The following BABAM2 variants were observed in gnomAD, a reference collection of about 807,000 sequenced individuals.
BABAM2 encodes the protein BRISC and BRCA1 A complex member 2.
BABAM2 carries 31 observed loss-of-function variants against 54.7 expected under a neutral mutation model. The observed-to-expected ratio is 0.57, with a 90% CI of 0.43 to 0.77. BABAM2 has a LOEUF of 0.77. Ranked by LOEUF, BABAM2 falls within the 30% of genes least tolerant of loss-of-function variation. The pLI, the probability that BABAM2 is intolerant of heterozygous loss-of-function variation, is 0.00. For missense variants in BABAM2, 364 were observed against 455.8 expected (o/e 0.80, Z 1.83); for synonymous variants, 167 against 162.9 (o/e 1.03, Z -0.19).
rs976783654 is a variant in BABAM2 at position 28,325,660 on chromosome 2, C to G, written c.1089-12790C>G. The stretch of plus-strand genomic sequence containing the variant: ...GTGTCTGCGGTGTGATTTCAGCTGT[C>G]AGGGGGATAAGGGTGAAGAGAGGAG... On this transcript the variant is annotated intron_variant, in intron 11 of 11. Transcript: ENST00000379624. This position sits in a 1 kb window ranked among gnomAD's most constrained non-coding sequence, Gnocchi z 4.3. Among the ~76,000 whole-genome samples the G allele has an allele frequency of 2.6e-5, 4 of 152,150 alleles. No individual in the cohort carries two copies. The highest frequency in any genetic ancestry group is 6.5e-5 in the Admixed American group (1 of 15,270).
intron 10 of BABAM2, among the ~76,000 whole-genome samples, chr2:28,245,448 A>G (rs1038689593): frequency 7.2e-5 from 11 of 152,188 alleles, no homozygotes; most frequent in African/African-American, 2.7e-4. Flanking sequence ...TCATTTCTTC[A>G]TGTTCTTCTG....
intron 6 of BABAM2, among the ~76,000 whole-genome samples, chr2:28,100,679 G>C (rs1667009057): frequency 6.6e-6 from 1 of 152,106 alleles, no homozygotes; most frequent in Non-Finnish European, 1.5e-5. Context: ...CTGGAAAGGA[G>C]ACCATGACTA....
intron 7 of BABAM2, among the ~76,000 whole-genome samples, chr2:28,207,022 G>A (rs531804508): frequency 6.6e-6 from 1 of 152,268 alleles, no homozygotes; most frequent in South Asian, 2.1e-4. Flanking sequence ...CAGTCTCCCT[G>A]TGAGGTAGGT....
At chr2:27,934,527 G>C (rs1668353216) in intron 3 of BABAM2, among the ~76,000 whole-genome samples, 1 of 152,316 alleles carries the variant, frequency 6.6e-6, no homozygotes, top group East Asian at 1.9e-4. Flanking sequence ...TTCAAGTGAA[G>C]AGTCCCACAC....
intron 7 of BABAM2, among the ~76,000 whole-genome samples, chr2:28,222,939 G>C (rs889158506): frequency 6.6e-6 from 1 of 152,246 alleles, no homozygotes; most frequent in Non-Finnish European, 1.5e-5. Context: ...CCCGCACTCT[G>C]TCTGGGGAAG....
intron 6 of BABAM2, among the ~76,000 whole-genome samples, chr2:28,125,007 C>G (rs982892150): frequency 5.9e-5 from 9 of 152,234 alleles, no homozygotes; most frequent in African/African-American, 1.7e-4. Flanking sequence ...GATTAAGAAA[C>G]TCAATGAACA....
chr2:28,276,591 G>T (rs564046199), intron 10 of BABAM2, among the ~76,000 whole-genome samples: 1 of 152,230 alleles, frequency 6.6e-6, no homozygotes, highest in African/African-American at 2.4e-5. Context: ...CACCTTCTTC[G>T]TGTTTGGCTC....
chr2:28,084,071 G>A (rs1404669387), intron 6 of BABAM2, among the ~76,000 whole-genome samples: 1 of 152,184 alleles, frequency 6.6e-6, no homozygotes, highest in African/African-American at 2.4e-5. Flanking sequence ...CGCTTGACGG[G>A]TAGCGTGGCT....
intron 7 of BABAM2, among the ~76,000 whole-genome samples, chr2:28,225,529 G>A (rs1680806174): frequency 6.6e-6 from 1 of 152,116 alleles, no homozygotes; most frequent in Admixed American, 6.5e-5. Context: ...TTTTTGCACT[G>A]TGAAAAGAGC....
At chr2:28,133,006 A>G (rs1670222451) in intron 7 of BABAM2, among the ~76,000 whole-genome samples, 1 of 152,248 alleles carries the variant, frequency 6.6e-6, no homozygotes, top group Non-Finnish European at 1.5e-5. Flanking sequence ...CCTGGTTGCT[A>G]CAAATTCACT....
chr2:27,987,680 T>C (rs937310766), intron 3 of BABAM2, among the ~76,000 whole-genome samples: 16 of 151,722 alleles, frequency 1.1e-4, no homozygotes, highest in African/African-American at 3.9e-4. Context: ...CTGGGCATGG[T>C]GACATGTTCC....
intron 7 of BABAM2, among the ~76,000 whole-genome samples, chr2:28,211,413 G>A (rs1343662257): frequency 9.9e-5 from 5 of 50,746 alleles, no homozygotes; most frequent in African/African-American, 2.6e-4. Context: ...TTGAGAAAGA[G>A]TTTCGCTCTT....
At chr2:27,937,418 A>C (rs1423574035) in intron 3 of BABAM2, among the ~76,000 whole-genome samples, 1 of 152,122 alleles carries the variant, frequency 6.6e-6, no homozygotes, top group Non-Finnish European at 1.5e-5. Flanking sequence ...GAGCCACCGC[A>C]CCCAGCCTGT....
chr2:28,013,285 A>G (rs1198571627), intron 4 of BABAM2: 2 of 444,910 alleles, frequency 4.5e-6, no homozygotes, highest in Non-Finnish European at 4.5e-6. Flanking sequence ...AAATTCTGAT[A>G]AGATTCCACC....
At chr2:28,160,813 A>G (rs1673015279) in intron 7 of BABAM2, among the ~76,000 whole-genome samples, 1 of 151,252 alleles carries the variant, frequency 6.6e-6, no homozygotes, top group South Asian at 2.1e-4. Context: ...CAAAGGATGC[A>G]GTCTGGTAGG....
chr2:27,989,291 T>G lies in BABAM2; in HGVS notation c.300+1204T>G, dbSNP rs142752248. Among the ~76,000 whole-genome samples the G allele has an allele frequency of 3.3e-3, 502 of 152,242 alleles. 1 individual carries two copies. The highest frequency in any genetic ancestry group is 0.012 in the African/African-American group (481 of 41,536). On this transcript the variant is annotated intron_variant, in intron 4 of 11. Coordinates refer to ENST00000379624, the MANE Select transcript of BABAM2 (RefSeq NM_199191.3). Reference sequence around the variant, plus strand: ...GGTGGCATATGCTGGATGCCAAAGATGTATTCCAGGCTAAGTGCCTCAGGA... The same window carrying G: ...GGTGGCATATGCTGGATGCCAAAGAGGTATTCCAGGCTAAGTGCCTCAGGA...
At chr2:28,243,684 G>A (rs148109086) in intron 9 of BABAM2, among the ~76,000 whole-genome samples, 1 of 151,868 alleles carries the variant, frequency 6.6e-6, no homozygotes, top group African/African-American at 2.4e-5. Context: ...TCCAGCTTGG[G>A]CAATAGGGTG....
chr2:27,966,576 G>A (rs946478274), intron 3 of BABAM2, among the ~76,000 whole-genome samples: 7 of 152,220 alleles, frequency 4.6e-5, no homozygotes, highest in African/African-American at 1.7e-4. Context: ...ATGACCAGAT[G>A]TTTCAGGCTC....
chr2:28,250,676 A>G (rs1573931918), intron 10 of BABAM2, among the ~76,000 whole-genome samples: 1 of 149,404 alleles, frequency 6.7e-6, no homozygotes, highest in Non-Finnish European at 1.5e-5. Context: ...CTCAGCTCAC[A>G]GCAACCTCCG....
Sources: allele counts gnomAD v4.1 joint callset (sites outside exome capture counted in the v4.1 genomes callset), GRCh38; gene constraint gnomAD v4.1.1; non-coding constraint Gnocchi (gnomAD v3.1); transcripts MANE v1.5; gene names NCBI Gene and HGNC (gene_info 2026-07-23, HGNC 2026-07-21).